The following SDK1 variants were observed in gnomAD, a reference collection of about 807,000 sequenced individuals.
The protein encoded by SDK1 is protein sidekick-1.
Under a neutral mutation model 245.5 loss-of-function variants are expected in SDK1, and 157 were observed. The ratio of observed to expected loss-of-function variants is 0.64; its 90% CI spans 0.56 to 0.73. The LOEUF (loss-of-function observed/expected upper bound fraction) is 0.73, where lower values mean the gene tolerates loss of function less well. Ranked by LOEUF, SDK1 falls within the 30% of genes least tolerant of loss-of-function variation. SDK1 has a pLI of 0.00. For synonymous variants in SDK1, 1,647 were observed against 1,278.5 expected, an observed-to-expected ratio of 1.29 and a Z score of -6.15; for missense variants, 3,583 against 3,002.3, an observed-to-expected ratio of 1.19 and a Z score of -4.52.
At position 3,770,104 on chromosome 7, in the gene SDK1, A is replaced by G. The variant is rs368653684; in HGVS notation, c.714-51346A>G. On this transcript the variant is annotated intron_variant, in intron 4 of 44. Coordinates refer to ENST00000404826, the MANE Select transcript of SDK1 (RefSeq NM_152744.4). Reference sequence around the variant, plus strand: ...GGCCGAAAGTGGTGAATGTATTTATAAAAGGGCAACAGAAGGGATCCTTGC... The same window carrying G: ...GGCCGAAAGTGGTGAATGTATTTATGAAAGGGCAACAGAAGGGATCCTTGC... Among the ~76,000 whole-genome samples the G allele has an allele frequency of 1.4e-4, 22 of 152,210 alleles. No individual in the cohort carries two copies. In the East Asian group the frequency reaches 3.9e-3, roughly 27 times the overall value.
At chr7:3,572,751 C>T (rs1021690966) in intron 1 of SDK1, among the ~76,000 whole-genome samples, 1 of 152,036 alleles carries the variant, frequency 6.6e-6, no homozygotes, top group Non-Finnish European at 1.5e-5. Flanking sequence ...TCATTGCCTT[C>T]ACAGGACTTT....
chr7:3,716,116 A>C (rs1785194821), intron 4 of SDK1, among the ~76,000 whole-genome samples: 1 of 119,538 alleles, frequency 8.4e-6, no homozygotes, highest in African/African-American at 3.4e-5. Flanking sequence ...AAGGTAGACA[A>C]AAAAAAAAAA....
intron 1 of SDK1, among the ~76,000 whole-genome samples, chr7:3,477,256 C>T (rs1397208142): frequency 9.6e-5 from 12 of 124,542 alleles, no homozygotes; most frequent in Admixed American, 3.2e-4. Context: ...AGTGCAGCGG[C>T]GCGATCTTGG....
At chr7:3,570,134 C>T (rs915079052) in intron 1 of SDK1, among the ~76,000 whole-genome samples, 1 of 152,170 alleles carries the variant, frequency 6.6e-6, no homozygotes, top group African/African-American at 2.4e-5. Flanking sequence ...CCTTGGACTG[C>T]ATGTTTCCTG....
intron 27 of SDK1, chr7:4,130,391 T>C: frequency 2.4e-6 from 1 of 414,678 alleles, no homozygotes; most frequent in South Asian, 3.4e-5. Flanking sequence ...GAGCTGTGGA[T>C]GTCAGCTGTG....
chr7:3,450,369 G>A (rs1780474825), intron 1 of SDK1, among the ~76,000 whole-genome samples: 1 of 152,160 alleles, frequency 6.6e-6, no homozygotes, highest in Non-Finnish European at 1.5e-5. Flanking sequence ...GTATTATTAA[G>A]CCCAGGATCT....
chr7:4,013,671 C>T (rs927569769), intron 16 of SDK1, among the ~76,000 whole-genome samples: 2 of 152,226 alleles, frequency 1.3e-5, no homozygotes, highest in African/African-American at 4.8e-5. Flanking sequence ...CCTGTCAAAA[C>T]CAATTTGCCG....
In SDK1 at chr7:4,071,111, C is replaced by T. The variant is rs139864829; in HGVS notation, c.3010+3175C>T. Among the ~76,000 whole-genome samples, 938 of 152,068 alleles carry T rather than the reference C, an allele frequency of 6.2e-3. 15 individuals are homozygous for T. Among genetic ancestry groups the T allele is most frequent in the African/African-American group, 0.021 (852 of 41,464 alleles). On this transcript the variant is annotated intron_variant, in intron 20 of 44. Coordinates refer to ENST00000404826, the MANE Select transcript of SDK1 (RefSeq NM_152744.4). ...TGTGATCTTGGCTCACTGGAACATC[C>T]GCCTCCCGGTTCAAATGATTCTCCT...
chr7:3,945,457 A>G (rs1183372710), intron 5 of SDK1, among the ~76,000 whole-genome samples: 3 of 152,244 alleles, frequency 2.0e-5, no homozygotes, highest in Non-Finnish European at 4.4e-5. Flanking sequence ...TTCAGAAAGT[A>G]TTTATACTCT....
chr7:3,388,859 T>A (rs2128569373), intron 1 of SDK1, among the ~76,000 whole-genome samples: 1 of 152,244 alleles, frequency 6.6e-6, no homozygotes, highest in Admixed American at 6.5e-5. Flanking sequence ...ATACAGATGA[T>A]AAAGAGAAGG....
intron 4 of SDK1, among the ~76,000 whole-genome samples, chr7:3,760,089 C>A: frequency 6.6e-6 from 1 of 151,400 alleles, no homozygotes; most frequent in Non-Finnish European, 1.5e-5. Flanking sequence ...ACTGTTTACG[C>A]ATTGTGCATG....
At chr7:4,016,334 C>A (rs975154973) in intron 16 of SDK1, among the ~76,000 whole-genome samples, 1 of 152,226 alleles carries the variant, frequency 6.6e-6, no homozygotes, top group African/African-American at 2.4e-5. Context: ...GGCAGTCACT[C>A]CTACTGGGCA....
chr7:3,918,861 C>T (rs1779485968), intron 5 of SDK1, among the ~76,000 whole-genome samples: 1 of 152,142 alleles, frequency 6.6e-6, no homozygotes, highest in Non-Finnish European at 1.5e-5. Flanking sequence ...TACATGGCTT[C>T]TCACACTCTA....
intron 1 of SDK1, among the ~76,000 whole-genome samples, chr7:3,502,789 C>T (rs577486963): frequency 3.1e-4 from 47 of 152,274 alleles, no homozygotes; most frequent in Non-Finnish European, 4.7e-4. Flanking sequence ...ACATTTCTTA[C>T]ACGTGAGAGG....
intron 13 of SDK1, among the ~76,000 whole-genome samples, chr7:3,975,954 C>T (rs1001143102): frequency 1.3e-4 from 17 of 135,916 alleles, no homozygotes; most frequent in Admixed American, 5.2e-4. Context: ...CTGAGGCTGC[C>T]ACGCAGAGGG....
intron 5 of SDK1, among the ~76,000 whole-genome samples, chr7:3,891,848 T>A (rs1360330865): frequency 6.6e-6 from 1 of 152,198 alleles, no homozygotes; most frequent in Non-Finnish European, 1.5e-5. Flanking sequence ...CTGAAAATGT[T>A]GTATTTTCTC....
intron 1 of SDK1, among the ~76,000 whole-genome samples, chr7:3,553,390 T>C (rs1779477131): frequency 6.6e-6 from 1 of 152,104 alleles, no homozygotes; most frequent in Non-Finnish European, 1.5e-5. Context: ...AATACAATGA[T>C]AGACCCCAGA....
intron 5 of SDK1, among the ~76,000 whole-genome samples, chr7:3,829,720 G>C (rs192286124): frequency 1.2e-4 from 18 of 152,312 alleles, no homozygotes; most frequent in Admixed American, 6.5e-5. Flanking sequence ...TCTGCGAAGA[G>C]CTCTGTGTGT....
At chr7:3,536,356 G>A (rs1778887773) in intron 1 of SDK1, among the ~76,000 whole-genome samples, 1 of 151,976 alleles carries the variant, frequency 6.6e-6, no homozygotes, top group African/African-American at 2.4e-5. Context: ...GTGAACTGCT[G>A]CACCCGGCCA....
Sources: allele counts gnomAD v4.1 joint callset (sites outside exome capture counted in the v4.1 genomes callset), GRCh38; gene constraint gnomAD v4.1.1; transcripts MANE v1.5; gene names NCBI Gene and HGNC (gene_info 2026-07-23, HGNC 2026-07-21).